CNOT10: variants seen among roughly 807,000 people sequenced by gnomAD.
The protein encoded by CNOT10 is CCR4-NOT transcription complex, subunit 10.
In CNOT10, 30 loss-of-function variants were observed where a neutral mutation model predicts 94.6. The ratio of observed to expected loss-of-function variants is 0.32; its 90% CI spans 0.24 to 0.43. The LOEUF (loss-of-function observed/expected upper bound fraction) is 0.43, where lower values mean the gene tolerates loss of function less well. CNOT10 is among the 20% of genes least tolerant of loss of function. The pLI is 1.00. For synonymous variants in CNOT10, 289 were observed against 301.6 expected (o/e 0.96, Z 0.43); for missense variants, 759 against 877.2 (o/e 0.87, Z 1.70).
intron 1 of CNOT10, among the ~76,000 whole-genome samples, chr3:32,692,175 A>G (rs1174492857): frequency 6.6e-6 from 1 of 152,076 alleles, no homozygotes; most frequent in Non-Finnish European, 1.5e-5. Flanking sequence ...CAGCCTGGGC[A>G]CCATGGTAAA....
chr3:32,767,970 C>T (rs1700723286), intron 17 of CNOT10, among the ~76,000 whole-genome samples: 1 of 152,044 alleles, frequency 6.6e-6, no homozygotes, highest in Non-Finnish European at 1.5e-5. Context: ...GGTTTGGGGT[C>T]TGAAGGGGGT....
rs916802727 is a variant in CNOT10, at chr3:32,699,447, A to G, written c.23-4421A>G. Among the ~76,000 whole-genome samples, 5 of 152,220 alleles carry G rather than the reference A, an allele frequency of 3.3e-5. No homozygotes were observed. In the East Asian group the frequency reaches 9.6e-4, roughly 29 times the overall value. On this transcript the variant is annotated intron_variant, in intron 1 of 18. Transcript: ENST00000328834. ...TTATCGTTTTAATTTACAATTATTT[A>G]ATAAATAATGAGGCTGAATTTCATT...
chr3:32,710,276 C>CTT (rs990169638), intron 4 of CNOT10, among the ~76,000 whole-genome samples: 8 of 138,708 alleles, frequency 5.8e-5, no homozygotes, highest in African/African-American at 2.1e-4. Flanking sequence ...TCTTTTATGG[C>CTT]TTTTTTTTTT....
At chr3:32,703,135 A>T (rs1697444437) in intron 1 of CNOT10, among the ~76,000 whole-genome samples, 1 of 140,022 alleles carries the variant, frequency 7.1e-6, no homozygotes, top group Non-Finnish European at 1.5e-5. Flanking sequence ...CGTGTTAGCC[A>T]GGATGGTCTC....
At chr3:32,709,010 A>G (rs193128028) in intron 4 of CNOT10, among the ~76,000 whole-genome samples, 190 bp downstream of exon 4, 55 of 152,316 alleles carry the variant, frequency 3.6e-4, no homozygotes, top group Middle Eastern at 3.4e-3. Context: ...CCCTTCCCAA[A>G]TTTTGAAGAT....
intron 10 of CNOT10, among the ~76,000 whole-genome samples, chr3:32,728,944 G>C (rs183466225): frequency 1.4e-3 from 207 of 152,200 alleles, no homozygotes; most frequent in African/African-American, 4.2e-3. Flanking sequence ...TACTAAAAAT[G>C]CGAAAAATTA....
Position 32,762,769 on chromosome 3 carries a change from C to T in CNOT10, c.1746C>T (p.Ile582=). 1.3e-6 allele frequency: 2 copies of T among 1,591,138 alleles called. No individual in the cohort carries two copies. The highest frequency in any genetic ancestry group is 1.7e-6 in the Non-Finnish European group (2 of 1,174,344). Residue 582 remains isoleucine, a synonymous_variant, in exon 15 of 19, where the codon ATC becomes ATT. Coordinates refer to ENST00000328834, the MANE Select transcript of CNOT10 (RefSeq NM_015442.3). The part of the protein sequence containing the change: ...LGHLYAAEAL[I]SLDRISDAIT... ...ATTTATATGCTGCAGAAGCCCTCAT[C>T]TCTCTCGACAGAATATCTGATGCCA...
intron 1 of CNOT10, among the ~76,000 whole-genome samples, chr3:32,700,592 A>G (rs1697296327): frequency 6.6e-6 from 1 of 152,202 alleles, no homozygotes; most frequent in East Asian, 1.9e-4. Flanking sequence ...TATTCTTACT[A>G]AAGCCTTACA....
At chr3:32,748,249 C>T (rs1054523874) in intron 13 of CNOT10, among the ~76,000 whole-genome samples, 2 of 152,158 alleles carry the variant, frequency 1.3e-5, no homozygotes, top group Non-Finnish European at 2.9e-5. Context: ...ATGATTTTTA[C>T]GTGTGTGAAT....
intron 13 of CNOT10, among the ~76,000 whole-genome samples, chr3:32,751,818 C>T (rs1184070782): frequency 6.6e-6 from 1 of 152,182 alleles, no homozygotes; most frequent in Non-Finnish European, 1.5e-5. Flanking sequence ...AGTCTTACGA[C>T]TGAGTGTGGT....
chr3:32,705,404 G>T (rs1697572392), intron 3 of CNOT10, among the ~76,000 whole-genome samples: 1 of 152,176 alleles, frequency 6.6e-6, no homozygotes, highest in Non-Finnish European at 1.5e-5. Flanking sequence ...GATTGGTCTG[G>T]TGATAATGGC....
intron 13 of CNOT10, among the ~76,000 whole-genome samples, chr3:32,754,917 AT>A (rs1443821782): frequency 1.3e-5 from 2 of 151,270 alleles, no homozygotes; most frequent in Non-Finnish European, 2.9e-5. Flanking sequence ...AAAAATAGAT[AT>A]TTAGTGTGTA....
chr3:32,702,696 G>A (rs1400565337), intron 1 of CNOT10, among the ~76,000 whole-genome samples: 2 of 152,078 alleles, frequency 1.3e-5, no homozygotes, highest in Non-Finnish European at 2.9e-5. Flanking sequence ...TGCCATAGTT[G>A]CTTGAATATG....
At chr3:32,732,118 C>T (rs1252243826) in intron 10 of CNOT10, among the ~76,000 whole-genome samples, 6 of 151,564 alleles carry the variant, frequency 4.0e-5, no homozygotes, top group African/African-American at 9.7e-5. Flanking sequence ...TGGCTGGGCG[C>T]GGTAGCTCAC....
intron 6 of CNOT10, among the ~76,000 whole-genome samples, chr3:32,716,599 T>C (rs192685261): frequency 2.0e-5 from 3 of 152,318 alleles, no homozygotes; most frequent in Admixed American, 2.0e-4. Flanking sequence ...TTGTTAGCCA[T>C]GTGCAGAAGA....
In CNOT10 at chr3:32,727,881, C is replaced by A; in HGVS notation, c.1215+11C>A. 6.2e-7 allele frequency: 1 copy of A among 1,600,002 alleles called. No homozygotes were observed. The highest frequency in any genetic ancestry group is 8.5e-7 in the Non-Finnish European group (1 of 1,174,096). The stretch of plus-strand genomic sequence containing the variant: ...GCTGCCAATAAGGGGGTGAGTGCTA[C>A]TTGGGTATCTTTTTAAACCCTGTCT... On this transcript the variant is annotated intron_variant, in intron 10 of 18. Transcript: ENST00000328834.
chr3:32,755,152 A>T (rs994291637), intron 13 of CNOT10, among the ~76,000 whole-genome samples: 3 of 151,294 alleles, frequency 2.0e-5, no homozygotes, highest in Non-Finnish European at 4.4e-5. Flanking sequence ...AGGCTGAGAC[A>T]GGAGAATCAC....
intron 10 of CNOT10, among the ~76,000 whole-genome samples, chr3:32,730,239 A>C (rs868061258): frequency 6.6e-6 from 1 of 152,096 alleles, no homozygotes; most frequent in African/African-American, 2.4e-5. Flanking sequence ...TTCTTTTTAA[A>C]TTAACTGGTT....
chr3:32,736,108 CAG>C (rs1699175458), intron 12 of CNOT10, among the ~76,000 whole-genome samples: 2 of 151,458 alleles, frequency 1.3e-5, no homozygotes, highest in Admixed American at 1.3e-4. Flanking sequence ...GTTTTTGAGA[CAG>C]AGTCTCCCTC....
Sources: gnomAD v4.1 joint callset for allele counts (sites outside exome capture counted in the v4.1 genomes callset) on GRCh38, gnomAD v4.1.1 for gene constraint, MANE v1.5 for transcripts, NCBI Gene and HGNC (gene_info 2026-07-23, HGNC 2026-07-21) for gene names.